The following TEX26 variants were observed in gnomAD, a reference collection of about 807,000 sequenced individuals.
TEX26 encodes testis-expressed protein 26.
In TEX26, 34 loss-of-function variants were observed where a neutral mutation model predicts 35.3. The observed-to-expected ratio is 0.96, with a 90% CI of 0.73 to 1.28. TEX26 has a LOEUF of 1.28. TEX26 is among the 50% of genes most tolerant of loss of function. The probability of loss-of-function intolerance (pLI) is 0.00; values close to 1 mark genes in which losing one functional copy is unlikely to be tolerated. For synonymous variants in TEX26, 136 were observed against 111.8 expected (o/e 1.22, Z -1.36); for missense variants, 371 against 330.1 (o/e 1.12, Z -0.96).
chr13:30,972,852 G>C (rs1425964316), intron 6 of TEX26, among the ~76,000 whole-genome samples: 1 of 152,206 alleles, frequency 6.6e-6, no homozygotes, highest in Admixed American at 6.5e-5. Context: ...GGCCAGGCTG[G>C]TCTCAAACTC....
Position 30,932,705 on chromosome 13 carries a change from C to T in TEX26, c.-11C>T. The T allele has an allele frequency of 1.9e-6, 3 of 1,612,616 alleles. No homozygotes were observed. On this transcript the variant is annotated 5_prime_UTR_variant, in exon 1 of 7. Transcript: ENST00000380473. The stretch of plus-strand genomic sequence containing the variant: ...TGGAGCCAGGGCCCCGCGGCCGCCT[C>T]CTGGGGCAGAATGGAACAGCCTGGG...
chr13:30,974,155 T>TATATATATAA, intron 6 of TEX26, among the ~76,000 whole-genome samples: 1 of 139,976 alleles, frequency 7.1e-6, no homozygotes, highest in African/African-American at 2.7e-5. Flanking sequence ...TATATATATA[T>TATATATATAA]AATTAGGAGT....
At position 30,966,460 on chromosome 13, in the gene TEX26, G is replaced by T. The variant is rs574914902; in HGVS notation, c.646+62G>T. 15 of 1,230,780 alleles carry T rather than the reference G, an allele frequency of 1.2e-5. 1 individual carries two copies. The highest frequency in any genetic ancestry group is 5.1e-4 in the Middle Eastern group (2 of 3,948). 76.2% of individuals were successfully genotyped at this position (1,230,780 alleles called of 1,614,324 possible). On this transcript the variant is annotated intron_variant, in intron 5 of 6. Coordinates refer to ENST00000380473, the MANE Select transcript of TEX26 (RefSeq NM_152325.3). Reference sequence around the variant, plus strand: ...TTTTTTTTTTTTTTTTTTTTGAGACGGAGTTTCCCTCTTGTCGCCCAGGCT... The same window carrying T: ...TTTTTTTTTTTTTTTTTTTTGAGACTGAGTTTCCCTCTTGTCGCCCAGGCT...
At chr13:30,942,194 TAATTA>T (rs1418813108) in intron 2 of TEX26, among the ~76,000 whole-genome samples, 1 of 152,188 alleles carries the variant, frequency 6.6e-6, no homozygotes, top group African/African-American at 2.4e-5. Flanking sequence ...GACTTTTTAA[TAATTA>T]AATTCAATAA....
At chr13:30,965,564 T>TTAA (rs1232512841) in intron 4 of TEX26, among the ~76,000 whole-genome samples, 1 of 152,202 alleles carries the variant, frequency 6.6e-6, no homozygotes, top group Non-Finnish European at 1.5e-5. Context: ...TGAGATGGAT[T>TTAA]GTGACTCTTG....
intron 4 of TEX26, among the ~76,000 whole-genome samples, chr13:30,963,521 TATAG>T (rs1954426343): frequency 6.6e-6 from 1 of 152,232 alleles, no homozygotes; most frequent in Admixed American, 6.5e-5. Context: ...ATGAACAATA[TATAG>T]TTTACTAGGA....
chr13:30,944,986 A>G (rs1953649950), intron 2 of TEX26, among the ~76,000 whole-genome samples: 1 of 151,940 alleles, frequency 6.6e-6, no homozygotes, highest in African/African-American at 2.4e-5. Flanking sequence ...GTTTAAGTCC[A>G]TTCTTTCTTT....
At chr13:30,968,424 A>T (rs939745746) in intron 5 of TEX26, among the ~76,000 whole-genome samples, 2 of 152,230 alleles carry the variant, frequency 1.3e-5, no homozygotes, top group Admixed American at 1.3e-4. Flanking sequence ...ATCAGTGCAG[A>T]TTCCCTGTGG....
At chr13:30,934,036 G>A (rs1001031011) in intron 1 of TEX26, among the ~76,000 whole-genome samples, 24 of 152,168 alleles carry the variant, frequency 1.6e-4, no homozygotes, top group African/African-American at 5.3e-4. Flanking sequence ...TTCCATGTGG[G>A]TGTCACAGCA....
chr13:30,954,277 TACACAC>T (rs56003143), intron 3 of TEX26, among the ~76,000 whole-genome samples: 52,023 of 137,638 alleles, frequency 0.38, 10,274 homozygotes, highest in Non-Finnish European at 0.44. Flanking sequence ...TATAGACCTA[TACACAC>T]ACACACACAC....
intron 1 of TEX26, 47 bp downstream of exon 1, chr13:30,932,823 T>C (rs765323938): frequency 6.3e-7 from 1 of 1,597,104 alleles, no homozygotes; most frequent in Non-Finnish European, 8.5e-7. Context: ...CTGGGGTCTT[T>C]CCCGGGGAAA....
At position 30,952,616 on chromosome 13, in the gene TEX26, G is replaced by A. The variant is rs781713482; in HGVS notation, c.147-44G>A. The A allele has an allele frequency of 2.7e-6, 4 of 1,480,636 alleles. No homozygotes were observed. In the South Asian group the frequency reaches 5.5e-5, roughly 20 times the overall value. 91.7% of individuals were successfully genotyped at this position (1,480,636 alleles called of 1,614,324 possible). ...TGACATGTGTACTTTTGTGAGATTT[G>A]GTATTTAACCTCTAACTCTAATTTC... is the stretch of plus-strand genomic sequence containing the variant. On this transcript the variant is annotated intron_variant, in intron 2 of 6. Transcript: ENST00000380473.
In TEX26 at chr13:30,975,052, T is replaced by G; in HGVS notation, c.*145T>G. The stretch of plus-strand genomic sequence containing the variant: ...ATAGTCATGAATTTGTGTCTTTTGC[T>G]CCGCTTTATTTTTAAACAATAAAAT... On this transcript the variant is annotated 3_prime_UTR_variant, in exon 7 of 7. Transcript: ENST00000380473. 2 of 547,674 alleles carry G rather than the reference T, an allele frequency of 3.7e-6. No homozygotes were observed. Among genetic ancestry groups the G allele is most frequent in the South Asian group, 6.8e-5 (2 of 29,588 alleles). The allele number at this position is 547,674 out of a possible 1,614,324, so 33.9% of individuals were successfully genotyped here.
At chr13:30,970,035 T>G (rs1353944324) in intron 6 of TEX26, among the ~76,000 whole-genome samples, 1 of 152,048 alleles carries the variant, frequency 6.6e-6, no homozygotes, top group East Asian at 1.9e-4. Context: ...GGCCTCCAGG[T>G]GCTGTCCCCA....
chr13:30,957,743 G>A (rs1566157921), intron 4 of TEX26, among the ~76,000 whole-genome samples: 1 of 152,202 alleles, frequency 6.6e-6, no homozygotes, highest in East Asian at 1.9e-4. Flanking sequence ...CCCCTTCCAG[G>A]GTAGGGGCTG....
chr13:30,968,764 G>T (rs1954621954), intron 5 of TEX26, 121 bp from the exon 6 acceptor site: 5 of 866,276 alleles, frequency 5.8e-6, no homozygotes, highest in Non-Finnish European at 7.3e-6. Context: ...CATCATGAAG[G>T]ATGCTGCCTA....
chr13:30,970,112 C>T (rs79230822), intron 6 of TEX26, among the ~76,000 whole-genome samples: 2,786 of 151,552 alleles, frequency 0.018, 89 homozygotes, highest in African/African-American at 0.065. Flanking sequence ...GATCTCCTGC[C>T]CTAAGAAAGA....
intron 4 of TEX26, among the ~76,000 whole-genome samples, chr13:30,959,827 C>T (rs546545208): frequency 6.6e-5 from 10 of 152,148 alleles, no homozygotes; most frequent in African/African-American, 1.2e-4. Context: ...CCTGACATAA[C>T]GAATGACAAA....
At chr13:30,959,554 T>C (rs1437817424) in intron 4 of TEX26, among the ~76,000 whole-genome samples, 1 of 152,220 alleles carries the variant, frequency 6.6e-6, no homozygotes, top group Non-Finnish European at 1.5e-5. Context: ...ACGTAAATGT[T>C]TGCTGCTGAG....
Sources: allele counts gnomAD v4.1 joint callset (sites outside exome capture counted in the v4.1 genomes callset), GRCh38; gene constraint gnomAD v4.1.1; transcripts MANE v1.5; gene names NCBI Gene and HGNC (gene_info 2026-07-23, HGNC 2026-07-21).